COL5A1: variants seen among roughly 807,000 people sequenced by gnomAD.
The protein encoded by COL5A1 is collagen type V alpha 1 chain.
In COL5A1, 16 loss-of-function variants were observed where a neutral mutation model predicts 263.7. That is an observed-to-expected ratio of 0.06 (90% CI 0.04 to 0.09). The LOEUF (loss-of-function observed/expected upper bound fraction) is 0.09, where lower values mean the gene tolerates loss of function less well. COL5A1 is among the 10% of genes least tolerant of loss of function. The pLI, the probability that COL5A1 is intolerant of heterozygous loss-of-function variation, is 1.00. For missense variants in COL5A1, 2,036 were observed against 2,540.5 expected (o/e 0.80, Z 4.27); for synonymous variants, 1,012 against 1,004.5 (o/e 1.01, Z -0.14).
rs929511829 is a variant in COL5A1 at position 134,716,451 on chromosome 9, C to T, written c.655-10815C>T. Among the ~76,000 whole-genome samples the T allele has an allele frequency of 1.0e-4, 15 of 150,730 alleles. No individual in the cohort carries two copies. The highest frequency in any genetic ancestry group is 2.6e-4 in the Admixed American group (4 of 15,238). On this transcript the variant is annotated intron_variant, in intron 4 of 65. Transcript: ENST00000371817. The surrounding 1 kb of genome is among the most constrained non-coding windows in gnomAD (Gnocchi z 4.5). ...AACAGTGTCTGCAGGCCCGCTGCTC[C>T]GAAAGTCAAGATGTGGAGAAGGAGC...
chr9:134,731,781 C>T lies in COL5A1; in HGVS notation c.1332+118C>T, dbSNP rs1022951694. ...CTCTACGGGCAGCTCAAGTGTTACACCCTATTCCCAAAACTTTATTTTTAA... is the reference window on the plus strand; with the variant it reads ...CTCTACGGGCAGCTCAAGTGTTACATCCTATTCCCAAAACTTTATTTTTAA... On this transcript the variant is annotated intron_variant, in intron 8 of 65. Transcript: ENST00000371817. The T allele has an allele frequency of 5.2e-6, 6 of 1,155,528 alleles. No homozygotes were observed. The African/African-American group carries it at 6.1e-5, about 12-fold the overall frequency. 71.6% of individuals were successfully genotyped at this position (1,155,528 alleles called of 1,614,324 possible).
chr9:134,729,946 A>G (rs1588478859), intron 6 of COL5A1, among the ~76,000 whole-genome samples: 1 of 152,148 alleles, frequency 6.6e-6, no homozygotes, highest in South Asian at 2.1e-4. Flanking sequence ...TTAAATACTG[A>G]GATATGATTC....
At chr9:134,778,034 A>G (rs964686218) in intron 27 of COL5A1, among the ~76,000 whole-genome samples, 1 of 152,206 alleles carries the variant, frequency 6.6e-6, no homozygotes, top group Non-Finnish European at 1.5e-5. Context: ...AAGAAAAGAA[A>G]GTAGCTCATC....
Position 134,730,391 on chromosome 9 carries a change from G to C in COL5A1, c.1080G>C (p.Gly360=). 6.2e-7 allele frequency: 1 copy of C among 1,614,224 alleles called. No homozygotes were observed. Among genetic ancestry groups the C allele is most frequent in the Non-Finnish European group, 8.5e-7 (1 of 1,180,040 alleles). The part of the protein sequence containing the change: ...SPYDDLTYGE[G]EENPDQPTDP... Reference sequence around the variant, plus strand: ...ATGATGACCTCACCTATGGCGAGGGGGAGGAGAACCCCGACCAGCCCACAG... The same window carrying C: ...ATGATGACCTCACCTATGGCGAGGGCGAGGAGAACCCCGACCAGCCCACAG... Residue 360 remains glycine, a synonymous_variant, in exon 7 of 66, where the codon GGG becomes GGC. Coordinates refer to ENST00000371817, the MANE Select transcript of COL5A1 (RefSeq NM_000093.5).
At chr9:134,676,205 C>T (rs7044529) in intron 1 of COL5A1, among the ~76,000 whole-genome samples, 31,879 of 152,096 alleles carry the variant, frequency 0.21, 3,960 homozygotes, top group African/African-American at 0.33. Flanking sequence ...CCTCAACTCT[C>T]TGATCGGTAT....
chr9:134,745,435 A>G (rs1835475676), intron 11 of COL5A1, among the ~76,000 whole-genome samples: 2 of 152,308 alleles, frequency 1.3e-5, no homozygotes, highest in African/African-American at 4.8e-5. Flanking sequence ...GGGTGAGTCC[A>G]GGAGTCTTTC....
chr9:134,760,868 T>G (rs1836390246), intron 18 of COL5A1, among the ~76,000 whole-genome samples: 2 of 124,590 alleles, frequency 1.6e-5, no homozygotes, highest in Non-Finnish European at 3.3e-5. Context: ...CACCCACACA[T>G]GCACACAGAC....
intron 31 of COL5A1, 80 bp downstream of exon 31, chr9:134,786,128 G>A: frequency 7.6e-7 from 1 of 1,319,516 alleles, no homozygotes; most frequent in Non-Finnish European, 1.1e-6. Flanking sequence ...ATCCGGCCGT[G>A]TTAGGTGTCC....
chr9:134,659,746 C>T (rs1832142729), intron 1 of COL5A1, among the ~76,000 whole-genome samples: 1 of 152,210 alleles, frequency 6.6e-6, no homozygotes, highest in Admixed American at 6.5e-5. Context: ...GCCCACAGAG[C>T]CGTGGGCTCC....
chr9:134,653,405 T>G (rs1233207748), intron 1 of COL5A1: 1 of 152,370 alleles, frequency 6.6e-6, no homozygotes, highest in Non-Finnish European at 1.5e-5. Context: ...CCAACCCCGT[T>G]CCAGCCAGAG....
intron 27 of COL5A1, among the ~76,000 whole-genome samples, chr9:134,775,176 G>A (rs573946387): frequency 1.2e-4 from 19 of 152,364 alleles, no homozygotes; most frequent in Admixed American, 1.0e-3. Context: ...CCAGGGGCGC[G>A]CTGGCGGCCA....
intron 25 of COL5A1, among the ~76,000 whole-genome samples, chr9:134,770,895 T>C (rs4842163): frequency 0.24 from 36,057 of 152,220 alleles, 4,484 homozygotes; most frequent in East Asian, 0.41. Context: ...AAACATTTTT[T>C]AGTAAGGGAG....
Position 134,824,720 on chromosome 9 carries a change from G to T in COL5A1, c.4819G>T (p.Gly1607Cys). ...NGENYVDYAD[G>C]MEEIFGSLNS... ...CGAGAACTACGTGGACTACGCGGAC[G>T]GCATGGAAGAGATCTTCGGCTCTCT... Residue 1607 changes from glycine to cysteine, a missense_variant, in exon 62 of 66, where the codon GGC becomes TGC. By Grantham distance (159) the Gly-to-Cys change is radical (BLOSUM62 -3). Coordinates refer to ENST00000371817, the MANE Select transcript of COL5A1 (RefSeq NM_000093.5). 1 of 1,614,226 alleles carries T rather than the reference G, an allele frequency of 6.2e-7. No individual in the cohort carries two copies. The highest frequency in any genetic ancestry group is 8.5e-7 in the Non-Finnish European group (1 of 1,180,050).
At chr9:134,800,572 C>G (rs1233591037) in intron 37 of COL5A1, among the ~76,000 whole-genome samples, 2 of 151,966 alleles carry the variant, frequency 1.3e-5, no homozygotes, top group Non-Finnish European at 2.9e-5. Context: ...TGGTGAAACC[C>G]CGTCTCTACT....
chr9:134,835,263 C>A (rs1839811722), intron 65 of COL5A1, 59 bp downstream of exon 65: 3 of 1,468,514 alleles, frequency 2.0e-6, no homozygotes, highest in Non-Finnish European at 2.8e-6. Flanking sequence ...GCTCGCTCCT[C>A]ACTCAGCACG....
Position 134,762,161 on chromosome 9 carries a change from G to A in COL5A1, c.1989+183G>A, listed in dbSNP as rs575155157. ...GATTGATCAGATGCCAAGAGGCTGC[G>A]GGGCATTGGAGAGACCCTGACTGCA... On this transcript the variant is annotated intron_variant, in intron 19 of 65. Transcript: ENST00000371817. Among the ~76,000 whole-genome samples, 10 of 152,304 alleles carry A rather than the reference G, an allele frequency of 6.6e-5. No individual in the cohort carries two copies. In the East Asian group the frequency reaches 1.5e-3, roughly 24 times the overall value.
intron 3 of COL5A1, 125 bp from the exon 4 acceptor site, chr9:134,701,046 G>T: frequency 1.0e-6 from 1 of 969,600 alleles, no homozygotes; most frequent in Admixed American, 2.0e-5. Context: ...GCCTTGATCT[G>T]CTCCGCCCCA....
At chr9:134,673,457 C>A (rs1832598819) in intron 1 of COL5A1, among the ~76,000 whole-genome samples, 1 of 126,278 alleles carries the variant, frequency 7.9e-6, no homozygotes, top group African/African-American at 3.2e-5. Flanking sequence ...GAGACTCCAT[C>A]TCAAAAAAAA....
At chr9:134,795,196 G>T in intron 33 of COL5A1, 66 bp from the exon 34 acceptor site, 9 of 1,612,786 alleles carry the variant, frequency 5.6e-6, no homozygotes, top group Middle Eastern at 1.6e-4. Context: ...CGTGCCAGGG[G>T]CTGGGGGAAG....
Sources: gnomAD v4.1 joint callset for allele counts (sites outside exome capture counted in the v4.1 genomes callset) on GRCh38, gnomAD v4.1.1 for gene constraint, Gnocchi (gnomAD v3.1) non-coding constraint, MANE v1.5 for transcripts, NCBI Gene and HGNC (gene_info 2026-07-23, HGNC 2026-07-21) for gene names.